SEC22A: variants seen among roughly 807,000 people sequenced by gnomAD.
SEC22A encodes vesicle-trafficking protein SEC22a.
A neutral mutation model predicts 35.3 loss-of-function variants in SEC22A; 22 were observed. That is an observed-to-expected ratio of 0.62 (90% CI 0.45 to 0.89). The LOEUF is 0.89. SEC22A is among the 40% of genes least tolerant of loss of function. SEC22A has a pLI of 0.00. For synonymous variants in SEC22A, 119 were observed against 129.5 expected, an observed-to-expected ratio of 0.92 and a Z score of 0.55; for missense variants, 354 against 362.5, an observed-to-expected ratio of 0.98 and a Z score of 0.19.
At chr3:123,260,249 A>T (rs779213219) in intron 6 of SEC22A, among the ~76,000 whole-genome samples, 18 of 149,286 alleles carry the variant, frequency 1.2e-4, no homozygotes, top group Non-Finnish European at 1.3e-4. Flanking sequence ...TATTGGAGGG[A>T]AGTTTTTGAA....
intron 2 of SEC22A, among the ~76,000 whole-genome samples, chr3:123,214,343 A>T (rs1415828161): frequency 6.6e-6 from 1 of 152,238 alleles, no homozygotes; most frequent in Non-Finnish European, 1.5e-5. Context: ...CATTCTGTGG[A>T]GCATGGCTTG....
chr3:123,262,902 G>T (rs1341977990), intron 6 of SEC22A, among the ~76,000 whole-genome samples: 1 of 152,092 alleles, frequency 6.6e-6, no homozygotes, highest in Admixed American at 6.5e-5. Context: ...TTGCAAGAGA[G>T]ATCTTACGTA....
chr3:123,253,120 C>T (rs556810465), intron 5 of SEC22A, among the ~76,000 whole-genome samples: 1 of 152,100 alleles, frequency 6.6e-6, no homozygotes, highest in Non-Finnish European at 1.5e-5. Flanking sequence ...AAAATGGAAT[C>T]TTTTGATATC....
intron 5 of SEC22A, among the ~76,000 whole-genome samples, chr3:123,256,338 C>CA (rs1308174817): frequency 6.6e-6 from 1 of 152,224 alleles, no homozygotes; most frequent in Non-Finnish European, 1.5e-5. Context: ...TCTAGAATAG[C>CA]ATGTCCCACA....
chr3:123,234,127 A>T (rs560213325), intron 4 of SEC22A, among the ~76,000 whole-genome samples: 2 of 152,210 alleles, frequency 1.3e-5, no homozygotes, highest in Non-Finnish European at 2.9e-5. Flanking sequence ...TGAAAGAAAC[A>T]ACACCTACAT....
chr3:123,222,477 G>A (rs544990988), intron 2 of SEC22A, among the ~76,000 whole-genome samples: 7 of 151,980 alleles, frequency 4.6e-5, no homozygotes, highest in Non-Finnish European at 1.0e-4. Flanking sequence ...GGGATTACAG[G>A]CCCCCACCAT....
At chr3:123,234,765 G>A (rs1289415639) in intron 4 of SEC22A, among the ~76,000 whole-genome samples, 1 of 152,188 alleles carries the variant, frequency 6.6e-6, no homozygotes, top group Non-Finnish European at 1.5e-5. Flanking sequence ...GCTCACGCCT[G>A]TAATCCCAGC....
intron 2 of SEC22A, among the ~76,000 whole-genome samples, chr3:123,212,243 A>G (rs1936949775): frequency 3.3e-5 from 5 of 152,136 alleles, no homozygotes; most frequent in Admixed American, 2.6e-4. Flanking sequence ...GATCACCTGG[A>G]TAATGGTAAG....
At chr3:123,202,611 G>A (rs1936768619) in intron 1 of SEC22A, among the ~76,000 whole-genome samples, 1 of 152,092 alleles carries the variant, frequency 6.6e-6, no homozygotes, top group African/African-American at 2.4e-5. Context: ...AGTGGAGGAG[G>A]CTTCCAAAAG....
rs189911912 is a variant in SEC22A at position 123,256,953 on chromosome 3, G to A, written c.658-2571G>A. ...TTTTTGTATTTTTAGTAGAGACATG[G>A]TTTCACTGTGTTAGCCAGGATGGTC... On this transcript the variant is annotated intron_variant, in intron 5 of 6. Transcript: ENST00000492595. 2.6e-5 allele frequency among the ~76,000 whole-genome samples: 4 copies of A among 151,980 alleles called. No homozygotes were observed. The East Asian group carries it at 5.8e-4, about 22-fold the overall frequency.
chr3:123,213,816 T>C (rs568015292), intron 2 of SEC22A, among the ~76,000 whole-genome samples: 2 of 152,240 alleles, frequency 1.3e-5, no homozygotes, highest in South Asian at 4.1e-4. Context: ...ATACCTCACA[T>C]TAAATTCTAG....
Position 123,227,007 on chromosome 3 carries a change from T to C in SEC22A, c.541+1710T>C, listed in dbSNP as rs1260039578. 1.3e-5 allele frequency among the ~76,000 whole-genome samples: 2 copies of C among 152,236 alleles called. 1 individual carries two copies. Among genetic ancestry groups the C allele is most frequent in the African/African-American group, 4.8e-5 (2 of 41,468 alleles). On this transcript the variant is annotated intron_variant, in intron 4 of 6. Coordinates refer to ENST00000492595, the MANE Select transcript of SEC22A (RefSeq NM_012430.5). ...GTGCTTTGCATTTTGTTAAAATGGCTACATTCAAGGCCAGTGTTCTTGACT... is the reference window on the plus strand; with the variant it reads ...GTGCTTTGCATTTTGTTAAAATGGCCACATTCAAGGCCAGTGTTCTTGACT...
intron 2 of SEC22A, among the ~76,000 whole-genome samples, chr3:123,217,476 G>A (rs1937050397): frequency 6.6e-6 from 1 of 151,438 alleles, no homozygotes; most frequent in Admixed American, 6.6e-5. Context: ...GCCTCCCAAA[G>A]TGCTGGGATT....
intron 4 of SEC22A, 58 bp from the exon 5 acceptor site, chr3:123,245,841 T>C (rs1937561489): frequency 1.1e-6 from 1 of 933,422 alleles, no homozygotes. Flanking sequence ...CTGTTTTACC[T>C]AAGTTCATCT....
chr3:123,227,005 G>C (rs1043108701), intron 4 of SEC22A, among the ~76,000 whole-genome samples: 6 of 152,110 alleles, frequency 3.9e-5, no homozygotes, highest in African/African-American at 1.4e-4. Context: ...TGTTAAAATG[G>C]CTACATTCAA....
At chr3:123,220,867 C>CATACATATATATATATATATAT in intron 2 of SEC22A, among the ~76,000 whole-genome samples, 1 of 97,528 alleles carries the variant, frequency 1.0e-5, no homozygotes, top group East Asian at 2.4e-4. Context: ...AAAAAGGTCT[C>CATACATATATATATATATATAT]ATATATATAT....
chr3:123,203,053 C>CTTTTTTT lies in SEC22A; in HGVS notation c.-20+1095_-20+1101dup, dbSNP rs779433710. 1.3e-3 allele frequency among the ~76,000 whole-genome samples: 56 copies of CTTTTTTT among 43,828 alleles called. 13 individuals are homozygous for CTTTTTTT. The highest frequency in any genetic ancestry group is 3.2e-3 in the African/African-American group (30 of 9,424). The allele number at this position is 43,828 out of a possible 152,430, so 28.8% of individuals were successfully genotyped here. A position where few individuals can be genotyped will look rare whatever the true frequency, so the allele number is the denominator to read the frequency against. ...GAAAACCATCACATCTGTTTAGTGC[C>CTTTTTTT]TTTTTTTTTTTTTTTTTTTTTTTTT... On this transcript the variant is annotated intron_variant, in intron 1 of 6. Transcript: ENST00000492595.
chr3:123,231,848 G>A (rs1290472059), intron 4 of SEC22A, among the ~76,000 whole-genome samples: 3 of 152,084 alleles, frequency 2.0e-5, no homozygotes, highest in African/African-American at 7.2e-5. Context: ...TAGAGGATAG[G>A]AAAACAGTAG....
intron 1 of SEC22A, among the ~76,000 whole-genome samples, chr3:123,205,778 C>T (rs1936842341): frequency 6.6e-6 from 1 of 152,184 alleles, no homozygotes; most frequent in African/African-American, 2.4e-5. Flanking sequence ...GTGGGCAACA[C>T]ACCTGCATTG....
Sources: allele counts gnomAD v4.1 joint callset (sites outside exome capture counted in the v4.1 genomes callset), GRCh38; gene constraint gnomAD v4.1.1; transcripts MANE v1.5; gene names NCBI Gene and HGNC (gene_info 2026-07-23, HGNC 2026-07-21).